Variants in SLC25A44 observed in about 807,000 individuals in gnomAD.
The protein encoded by SLC25A44 is solute carrier family 25 member 44.
SLC25A44 carries 17 observed loss-of-function variants against 29.9 expected under a neutral mutation model. The observed-to-expected ratio is 0.57, with a 90% confidence interval of 0.39 to 0.85. The LOEUF is 0.85. SLC25A44 is among the 40% of genes least tolerant of loss of function. The probability of loss-of-function intolerance (pLI) is 0.00; values close to 1 mark genes in which losing one functional copy is unlikely to be tolerated. For synonymous variants in SLC25A44, 140 were observed against 151.8 expected, an observed-to-expected ratio of 0.92 and a Z score of 0.57; for missense variants, 302 against 398.4, an observed-to-expected ratio of 0.76 and a Z score of 2.06.
Position 156,212,438 on chromosome 1 carries a change from T to C in SLC25A44, c.*2007T>C, listed in dbSNP as rs1657396796. The stretch of plus-strand genomic sequence containing the variant: ...TTACAGCCCCTCTTGTGTTTTTCTT[T>C]ATTTCTCGTACACACACGCAGTTTT... On this transcript the variant is annotated 3_prime_UTR_variant, in exon 4 of 4. Coordinates refer to ENST00000359511, the MANE Select transcript of SLC25A44 (RefSeq NM_014655.4). 6.6e-6 allele frequency: 1 copy of C among 152,632 alleles called. No individual in the cohort carries two copies. Among genetic ancestry groups the C allele is most frequent in the African/African-American group, 2.4e-5 (1 of 41,468 alleles). The allele number at this position is 152,632 out of a possible 1,614,324, so 9.5% of individuals were successfully genotyped here. A position where few individuals can be genotyped will look rare whatever the true frequency, so the allele number is the denominator to read the frequency against.
rs1421871675 is a variant in SLC25A44, at chr1:156,211,356, A to T, written c.*925A>T. On this transcript the variant is annotated 3_prime_UTR_variant, in exon 4 of 4. Transcript: ENST00000359511. Reference sequence around the variant, plus strand: ...ACTGGACTTGGAGCACTACCTTGAGAAGTCAGGTTGAGAAAGTAGTTGATC... The same window carrying T: ...ACTGGACTTGGAGCACTACCTTGAGTAGTCAGGTTGAGAAAGTAGTTGATC... 6.6e-6 allele frequency: 1 copy of T among 152,594 alleles called. No homozygotes were observed. The highest frequency in any genetic ancestry group is 1.5e-5 in the Non-Finnish European group (1 of 68,118). The allele number at this position is 152,594 out of a possible 1,614,324, so 9.5% of individuals were successfully genotyped here. A position where few individuals can be genotyped will look rare whatever the true frequency, so the allele number is the denominator to read the frequency against.
At chr1:156,196,382 G>T (rs1187251036) in intron 1 of SLC25A44, 1 of 152,172 alleles carries the variant, frequency 6.6e-6, no homozygotes, top group Non-Finnish European at 1.5e-5. Context: ...CCTTGGATAG[G>T]GGTTACCTGC....
In SLC25A44 at chr1:156,211,360, C is replaced by G. The variant is rs1657308835; in HGVS notation, c.*929C>G. Reference sequence around the variant, plus strand: ...GACTTGGAGCACTACCTTGAGAAGTCAGGTTGAGAAAGTAGTTGATCTAGA... The same window carrying G: ...GACTTGGAGCACTACCTTGAGAAGTGAGGTTGAGAAAGTAGTTGATCTAGA... On this transcript the variant is annotated 3_prime_UTR_variant, in exon 4 of 4. Transcript: ENST00000359511. 1 of 152,634 alleles carries G rather than the reference C, an allele frequency of 6.6e-6. No individual in the cohort carries two copies. Among genetic ancestry groups the G allele is most frequent in the African/African-American group, 2.4e-5 (1 of 41,390 alleles). The allele number at this position is 152,634 out of a possible 1,614,324, so 9.5% of individuals were successfully genotyped here.
intron 2 of SLC25A44, among the ~76,000 whole-genome samples, chr1:156,204,314 G>A (rs569799368): frequency 3.0e-4 from 46 of 152,114 alleles, no homozygotes; most frequent in Non-Finnish European, 5.0e-4. Context: ...GTCTGACATG[G>A]AGTTATTTCT....
intron 2 of SLC25A44, among the ~76,000 whole-genome samples, chr1:156,206,185 C>T (rs369653729): frequency 3.9e-5 from 6 of 151,914 alleles, no homozygotes; most frequent in African/African-American, 1.2e-4. Flanking sequence ...CCTTACCCAC[C>T]TGGTTCCCTT....
At chr1:156,197,581 A>G (rs1383537014) in intron 1 of SLC25A44, 1 of 151,792 alleles carries the variant, frequency 6.6e-6, no homozygotes, top group Admixed American at 6.6e-5. Context: ...ACATGGTGAA[A>G]CCCCGTCTCT....
chr1:156,199,823 C>T lies in SLC25A44; in HGVS notation c.-13-12C>T. On this transcript the variant is annotated splice_polypyrimidine_tract_variant and intron_variant, in intron 1 of 3. Transcript: ENST00000359511. ...TCCTTCTTCACATCCCTCCATACTGCTCAAATCCCAGGTCTTCAGGCACCA... is the reference window on the plus strand; with the variant it reads ...TCCTTCTTCACATCCCTCCATACTGTTCAAATCCCAGGTCTTCAGGCACCA... 1.2e-6 allele frequency: 2 copies of T among 1,602,970 alleles called. No homozygotes were observed. Among genetic ancestry groups the T allele is most frequent in the Non-Finnish European group, 8.5e-7 (1 of 1,173,886 alleles).
rs35620511 is a variant in SLC25A44 at position 156,200,831 on chromosome 1, ATTTT to A, written c.625+378_625+381del. Among the ~76,000 whole-genome samples, 170 of 99,858 alleles carry A rather than the reference ATTTT, an allele frequency of 1.7e-3. 1 individual carries two copies. Among genetic ancestry groups the A allele is most frequent in the Non-Finnish European group, 2.9e-3 (147 of 51,418 alleles). 65.5% of individuals were successfully genotyped at this position (99,858 alleles called of 152,430 possible). On this transcript the variant is annotated intron_variant, in intron 2 of 3. Transcript: ENST00000359511. ...TTTTGACTTGGATGTTTTCCTCAGC[ATTTT>A]TTTTTTTTTTTTTTTTTTGAGATGG...
intron 2 of SLC25A44, among the ~76,000 whole-genome samples, chr1:156,203,984 A>G (rs12093548): frequency 1.3e-3 from 197 of 150,536 alleles, no homozygotes; most frequent in African/African-American, 4.5e-3. Flanking sequence ...GATTACAGGC[A>G]TGAGCCACCG....
At chr1:156,194,673 G>A (rs889071914) in intron 1 of SLC25A44, among the ~76,000 whole-genome samples, 8 of 152,134 alleles carry the variant, frequency 5.3e-5, no homozygotes, top group South Asian at 2.1e-4. Context: ...TTCCCCTAGG[G>A]AAATGTATAT....
At position 156,200,407 on chromosome 1, in the gene SLC25A44, T is replaced by G; in HGVS notation, c.560T>G (p.Val187Gly). Residue 187 changes from valine (V) to glycine (G), a missense_variant, in exon 2 of 4, where the codon GTG (valine) becomes GGG (glycine). By Grantham distance (109) the Val-to-Gly change is moderately radical. Coordinates refer to ENST00000359511, the MANE Select transcript of SLC25A44 (RefSeq NM_014655.4). ...CTTCGCGGCTTCTATCGAGGCTATGTGGCTTCACTGCTTACCTATATCCCA... is the reference window on the plus strand; with the variant it reads ...CTTCGCGGCTTCTATCGAGGCTATGGGGCTTCACTGCTTACCTATATCCCA... ...DGLRGFYRGY[V>G]ASLLTYIPNS... The G allele has an allele frequency of 6.2e-7, 1 of 1,613,978 alleles. No individual in the cohort carries two copies. Among genetic ancestry groups the G allele is most frequent in the Non-Finnish European group, 8.5e-7 (1 of 1,180,026 alleles).
At chr1:156,209,147 CACTG>C (rs1443002426) in intron 3 of SLC25A44, among the ~76,000 whole-genome samples, 1 of 152,156 alleles carries the variant, frequency 6.6e-6, no homozygotes, top group African/African-American at 2.4e-5. Flanking sequence ...AAAATGAATA[CACTG>C]GCATCTGGTT....
chr1:156,206,735 G>A lies in SLC25A44; in HGVS notation c.626-1151G>A, dbSNP rs180693412. Among the ~76,000 whole-genome samples the A allele has an allele frequency of 1.9e-3, 284 of 152,036 alleles. 2 individuals are homozygous for A. The highest frequency in any genetic ancestry group is 3.0e-3 in the Non-Finnish European group (206 of 67,974). ...TTTGGTAGAGGAGGGGTTTCACCAT[G>A]TTGTCCAGTCTGGTTGCAAACTCCT... On this transcript the variant is annotated intron_variant, in intron 2 of 3. Coordinates refer to ENST00000359511, the MANE Select transcript of SLC25A44 (RefSeq NM_014655.4).
intron 3 of SLC25A44, among the ~76,000 whole-genome samples, chr1:156,209,631 G>A (rs1657167783): frequency 6.6e-6 from 1 of 152,138 alleles, no homozygotes; most frequent in African/African-American, 2.4e-5. Context: ...GGCTTTCAGT[G>A]TGAGAGGGAA....
Position 156,200,428 on chromosome 1 carries a change from T to C in SLC25A44, c.581T>C (p.Ile194Thr). ...TATGTGGCTTCACTGCTTACCTATATCCCAAACAGTGCTGTCTGGTGGCCC... is the reference window on the plus strand; with the variant it reads ...TATGTGGCTTCACTGCTTACCTATACCCCAAACAGTGCTGTCTGGTGGCCC... ...RGYVASLLTYIPNSAVWWPFY... is the reference protein window; with the variant it reads ...RGYVASLLTYTPNSAVWWPFY... The change falls in exon 2 of 4, where the codon ATC (isoleucine) becomes ACC (threonine). Residue 194 changes from isoleucine to threonine, a missense_variant. Physicochemically the swap from Ile to Thr is moderately conservative, Grantham distance 89. Coordinates refer to ENST00000359511, the MANE Select transcript of SLC25A44 (RefSeq NM_014655.4). 5.0e-6 allele frequency: 8 copies of C among 1,613,348 alleles called. No individual in the cohort carries two copies. Among genetic ancestry groups the C allele is most frequent in the Non-Finnish European group, 6.8e-6 (8 of 1,179,858 alleles).
Position 156,199,512 on chromosome 1 carries a change from C to T in SLC25A44, c.-13-323C>T, listed in dbSNP as rs146934193. 35 of 327,734 alleles carry T rather than the reference C, an allele frequency of 1.1e-4. No individual in the cohort carries two copies. In the East Asian group the frequency reaches 1.1e-3, roughly 11 times the overall value. 20.3% of individuals were successfully genotyped at this position (327,734 alleles called of 1,614,324 possible). On this transcript the variant is annotated intron_variant, in intron 1 of 3. Coordinates refer to ENST00000359511, the MANE Select transcript of SLC25A44 (RefSeq NM_014655.4). ...AGGGCCCAGACAGAGGCAGAGAGTC[C>T]GGATAGAAGATCCTGTAAGCTGGGG... is the stretch of plus-strand genomic sequence containing the variant.
In SLC25A44 at chr1:156,200,162, C is replaced by T; in HGVS notation, c.315C>T (p.Ser105=). The change falls in exon 2 of 4, where the codon AGC becomes AGT. Residue 105 remains serine, a synonymous_variant. Transcript: ENST00000359511. ...ELTRKFVADY[S]QSNTVKSLVA... is the part of the protein sequence containing the mutation. The stretch of plus-strand genomic sequence containing the variant: ...CCCGGAAGTTTGTAGCTGACTACAG[C>T]CAGAGTAACACAGTCAAATCACTGG... 1 of 1,614,194 alleles carries T rather than the reference C, an allele frequency of 6.2e-7. No homozygotes were observed. Among genetic ancestry groups the T allele is most frequent in the Non-Finnish European group, 8.5e-7 (1 of 1,180,020 alleles).
chr1:156,204,558 C>T (rs1006291609), intron 2 of SLC25A44, among the ~76,000 whole-genome samples: 4 of 152,064 alleles, frequency 2.6e-5, no homozygotes, highest in Non-Finnish European at 4.4e-5. Context: ...ATGATCTTGG[C>T]TCACTGCAAC....
At position 156,199,828 on chromosome 1, in the gene SLC25A44, A is replaced by G. The variant is rs756357273; in HGVS notation, c.-13-7A>G. 1 of 1,606,098 alleles carries G rather than the reference A, an allele frequency of 6.2e-7. No homozygotes were observed. Among genetic ancestry groups the G allele is most frequent in the Non-Finnish European group, 8.5e-7 (1 of 1,175,472 alleles). On this transcript the variant is annotated splice_region_variant and splice_polypyrimidine_tract_variant and intron_variant, in intron 1 of 3. Transcript: ENST00000359511. ...CTTCACATCCCTCCATACTGCTCAA[A>G]TCCCAGGTCTTCAGGCACCATGGAG...
Sources: allele counts gnomAD v4.1 joint callset (sites outside exome capture counted in the v4.1 genomes callset), GRCh38; gene constraint gnomAD v4.1.1; transcripts MANE v1.5; gene names NCBI Gene and HGNC (gene_info 2026-07-23, HGNC 2026-07-21).